PLCE1: variants seen among roughly 807,000 people sequenced by gnomAD.
PLCE1 encodes the protein phospholipase C epsilon 1.
Under a neutral mutation model 242.8 loss-of-function variants are expected in PLCE1, and 119 were observed. That is an observed-to-expected ratio of 0.49 (90% CI 0.42 to 0.57). The LOEUF (loss-of-function observed/expected upper bound fraction) is 0.57. Among genes scored for constraint, PLCE1 ranks in the 20% least tolerant of loss-of-function variants. PLCE1 has a pLI of 0.00. For synonymous variants in PLCE1, 945 were observed against 1,017.4 expected, an observed-to-expected ratio of 0.93 and a Z score of 1.35; for missense variants, 2,441 against 2,788.8, an observed-to-expected ratio of 0.88 and a Z score of 2.81.
chr10:94,326,710 T>C (rs2054029208), intron 32 of PLCE1, among the ~76,000 whole-genome samples: 1 of 152,214 alleles, frequency 6.6e-6, no homozygotes, highest in Admixed American at 6.5e-5. Flanking sequence ...GGGAGGGTGA[T>C]TGATAGTGAT....
intron 2 of PLCE1, chr10:94,100,750 T>G (rs1004077364): frequency 2.0e-5 from 3 of 152,210 alleles, no homozygotes; most frequent in Admixed American, 6.5e-5. Flanking sequence ...TAATTGTGTC[T>G]GCTCTTCCTC....
chr10:94,201,778 C>A (rs1372949511), intron 4 of PLCE1, among the ~76,000 whole-genome samples: 1 of 152,188 alleles, frequency 6.6e-6, no homozygotes, highest in Non-Finnish European at 1.5e-5. Flanking sequence ...CACGCCCAGG[C>A]TAACATGTTA....
intron 4 of PLCE1, among the ~76,000 whole-genome samples, chr10:94,173,244 T>C (rs1443317105): frequency 2.6e-5 from 4 of 152,158 alleles, no homozygotes; most frequent in African/African-American, 9.7e-5. Flanking sequence ...TGCAGCAGGA[T>C]TGCACTGGGG....
At chr10:94,087,559 G>A (rs113059082) in intron 2 of PLCE1, among the ~76,000 whole-genome samples, 180 of 151,786 alleles carry the variant, frequency 1.2e-3, no homozygotes, top group African/African-American at 4.2e-3. Flanking sequence ...ACCTCAGCCT[G>A]TCAAGTAGCG....
chr10:94,296,730 A>G (rs1173373616), intron 23 of PLCE1, among the ~76,000 whole-genome samples: 2 of 152,232 alleles, frequency 1.3e-5, no homozygotes, highest in Admixed American at 6.5e-5. Flanking sequence ...TCACTGGAGT[A>G]GCACTTTTAA....
intron 5 of PLCE1, among the ~76,000 whole-genome samples, chr10:94,231,994 A>G (rs917549112): frequency 6.6e-6 from 1 of 152,190 alleles, no homozygotes; most frequent in African/African-American, 2.4e-5. Context: ...ATGTGATACT[A>G]TTTACATAAA....
intron 30 of PLCE1, among the ~76,000 whole-genome samples, chr10:94,323,013 A>G (rs916976361): frequency 6.6e-6 from 1 of 152,182 alleles, no homozygotes; most frequent in East Asian, 1.9e-4. Context: ...CATTCCTTCA[A>G]CAGACACTTA....
At chr10:94,195,525 G>A (rs1391222639) in intron 4 of PLCE1, among the ~76,000 whole-genome samples, 1 of 151,996 alleles carries the variant, frequency 6.6e-6, no homozygotes, top group Non-Finnish European at 1.5e-5. Flanking sequence ...GGAATGATAT[G>A]ACACAACTCA....
chr10:94,030,189 C>G (rs1429348533), intron 1 of PLCE1, among the ~76,000 whole-genome samples: 1 of 152,142 alleles, frequency 6.6e-6, no homozygotes, highest in African/African-American at 2.4e-5. Flanking sequence ...TCATTCTTAT[C>G]TTTGTGCCTC....
At chr10:94,147,187 C>T (rs1482690902) in intron 3 of PLCE1, among the ~76,000 whole-genome samples, 6 of 151,854 alleles carry the variant, frequency 4.0e-5, no homozygotes, top group South Asian at 2.1e-4. Context: ...TTTGGGAGGC[C>T]GAGGCACGCA....
At chr10:94,033,423 A>G (rs572206510) in intron 2 of PLCE1, among the ~76,000 whole-genome samples, 1 of 152,216 alleles carries the variant, frequency 6.6e-6, no homozygotes. Context: ...ACATTTTAGG[A>G]TATCTATCAC....
In PLCE1 at chr10:94,107,368, T is replaced by C. The variant is rs550712253; in HGVS notation, c.1207-24806T>C. ...CTTGCTTGGTGCTTTACATACATTA[T>C]TGCATTTAATCCCCCAGTGAGAACA... On this transcript the variant is annotated intron_variant, in intron 2 of 32. Transcript: ENST00000371380. 2.0e-3 allele frequency among the ~76,000 whole-genome samples: 310 copies of C among 152,248 alleles called. 2 individuals carry two copies. Among genetic ancestry groups the C allele is most frequent in the African/African-American group, 7.1e-3 (297 of 41,562 alleles).
intron 27 of PLCE1, among the ~76,000 whole-genome samples, chr10:94,310,533 T>G (rs1035798130): frequency 1.3e-5 from 2 of 152,158 alleles, no homozygotes; most frequent in African/African-American, 4.8e-5. Context: ...AAGAGCACTT[T>G]GGCCAAAGTG....
chr10:94,064,686 C>G (rs2044151045), intron 2 of PLCE1, among the ~76,000 whole-genome samples: 1 of 152,258 alleles, frequency 6.6e-6, no homozygotes, highest in East Asian at 1.9e-4. Flanking sequence ...ATAATCTTTA[C>G]CATGTGGATT....
intron 2 of PLCE1, among the ~76,000 whole-genome samples, chr10:94,078,401 G>A (rs2044564460): frequency 6.6e-6 from 1 of 152,074 alleles, no homozygotes; most frequent in Non-Finnish European, 1.5e-5. Flanking sequence ...AAAATTGCAT[G>A]TTTTCAGGTC....
intron 1 of PLCE1, among the ~76,000 whole-genome samples, chr10:94,028,501 C>T (rs1461004218): frequency 1.3e-5 from 2 of 152,130 alleles, no homozygotes; most frequent in Non-Finnish European, 2.9e-5. Context: ...TACCACATTC[C>T]ATACATTAGA....
rs2052910442 is a variant in PLCE1, at chr10:94,298,229, G to A, written c.5168-150G>A. 2 of 700,496 alleles carry A rather than the reference G, an allele frequency of 2.9e-6. No homozygotes were observed. The highest frequency in any genetic ancestry group is 3.5e-5 in the African/African-American group (2 of 56,372). The allele number at this position is 700,496 out of a possible 1,614,324, so 43.4% of individuals were successfully genotyped here. A position where few individuals can be genotyped will look rare whatever the true frequency, so the allele number is the denominator to read the frequency against. Reference sequence around the variant, plus strand: ...TAAGTAGCCACCATGTTGTTTTAAAGTGGCGAACTAACTCACAAGTAAAAT... The same window carrying A: ...TAAGTAGCCACCATGTTGTTTTAAAATGGCGAACTAACTCACAAGTAAAAT... On this transcript the variant is annotated intron_variant, in intron 23 of 32. Transcript: ENST00000371380. This position sits in a 1 kb window ranked among gnomAD's most constrained non-coding sequence, Gnocchi z 5.2.
chr10:94,179,525 T>TGTTG (rs2048236750), intron 4 of PLCE1, among the ~76,000 whole-genome samples: 4 of 56,820 alleles, frequency 7.0e-5, no homozygotes, highest in Non-Finnish European at 1.5e-4. Context: ...TTTTTTTTTT[T>TGTTG]TTTTTGACAG....
chr10:94,040,197 C>G (rs1054256011), intron 2 of PLCE1, among the ~76,000 whole-genome samples: 3 of 152,150 alleles, frequency 2.0e-5, no homozygotes, highest in Non-Finnish European at 4.4e-5. Context: ...CTCAACTGAT[C>G]CTCCTGCCTC....
Sources: gnomAD v4.1 joint callset for allele counts (sites outside exome capture counted in the v4.1 genomes callset) on GRCh38, gnomAD v4.1.1 for gene constraint, Gnocchi (gnomAD v3.1) non-coding constraint, MANE v1.5 for transcripts, NCBI Gene and HGNC (gene_info 2026-07-23, HGNC 2026-07-21) for gene names.